TCEA3: variants seen among roughly 807,000 people sequenced by gnomAD.
TCEA3 encodes transcription elongation factor A protein 3.
In TCEA3, 36 loss-of-function variants were observed where a neutral mutation model predicts 44.0. That is an observed-to-expected ratio of 0.82 (90% CI 0.63 to 1.08). The LOEUF (loss-of-function observed/expected upper bound fraction) is 1.08, where lower values mean the gene tolerates loss of function less well. Among genes scored for constraint, TCEA3 ranks in the 50% least tolerant of loss-of-function variants. The pLI, the probability that TCEA3 is intolerant of heterozygous loss-of-function variation, is 0.00. For missense variants in TCEA3, 392 were observed against 441.2 expected (o/e 0.89, Z 1.00); for synonymous variants, 162 against 159.7 (o/e 1.01, Z -0.11).
At chr1:23,413,201 A>G (rs1273739924) in intron 4 of TCEA3, among the ~76,000 whole-genome samples, 1 of 151,872 alleles carries the variant, frequency 6.6e-6, no homozygotes, top group East Asian at 1.9e-4. Flanking sequence ...CAGTAGTGCG[A>G]TCTCGGCTCA....
At chr1:23,403,006 C>T (rs989396415) in intron 5 of TCEA3, among the ~76,000 whole-genome samples, 2 of 152,218 alleles carry the variant, frequency 1.3e-5, no homozygotes, top group Non-Finnish European at 2.9e-5. Context: ...GGATCTCTCT[C>T]TCTGGGAGTA....
At chr1:23,403,945 T>G (rs1318516924) in intron 5 of TCEA3, 9 of 591,016 alleles carry the variant, frequency 1.5e-5, no homozygotes, top group African/African-American at 3.7e-5. Flanking sequence ...TGCACACGCC[T>G]GGGAACTGAG....
Position 23,420,940 on chromosome 1 carries a change from T to A in TCEA3, c.70-1801A>T, listed in dbSNP as rs563595646. ...CCCTGGGGAGCACCAGGGGACGGTG[T>A]CCTGTATGTTCCTATCCTTGGCCCA... On this transcript the variant is annotated intron_variant, in intron 1 of 10. Coordinates refer to ENST00000450454, the MANE Select transcript of TCEA3 (RefSeq NM_003196.3). Among the ~76,000 whole-genome samples, 14 of 152,222 alleles carry A rather than the reference T, an allele frequency of 9.2e-5. No individual in the cohort carries two copies. The East Asian group carries it at 2.7e-3, about 29-fold the overall frequency.
chr1:23,416,249 G>A (rs1024743516), intron 4 of TCEA3, among the ~76,000 whole-genome samples: 1 of 151,726 alleles, frequency 6.6e-6, no homozygotes, highest in Non-Finnish European at 1.5e-5. Context: ...CAAGTGATCC[G>A]CCCACCTCGG....
At chr1:23,394,119 C>G in intron 7 of TCEA3, 86 bp from the exon 8 acceptor site, 2 of 1,493,984 alleles carry the variant, frequency 1.3e-6, no homozygotes, top group Non-Finnish European at 1.8e-6. Context: ...GCTCCAGAAC[C>G]CTTTCTTCCT....
intron 1 of TCEA3, chr1:23,423,825 A>G: frequency 2.2e-6 from 1 of 455,690 alleles, no homozygotes; most frequent in Non-Finnish European, 4.4e-6. Context: ...TCTGGCCAGG[A>G]CCCTCCGGTA....
intron 4 of TCEA3, among the ~76,000 whole-genome samples, chr1:23,416,952 C>G (rs994895312): frequency 3.9e-5 from 6 of 152,202 alleles, no homozygotes; most frequent in Admixed American, 2.6e-4. Flanking sequence ...TCTAGACTGC[C>G]GTGCGGTCTC....
chr1:23,381,610 G>C, intron 10 of TCEA3, 136 bp from the exon 11 acceptor site: 1 of 704,378 alleles, frequency 1.4e-6, no homozygotes, highest in Non-Finnish European at 2.6e-6. Context: ...GCCATTATTA[G>C]CTGTGTGATC....
At chr1:23,393,288 G>A (rs908339462) in intron 8 of TCEA3, among the ~76,000 whole-genome samples, 1 of 152,040 alleles carries the variant, frequency 6.6e-6, no homozygotes, top group African/African-American at 2.4e-5. Context: ...CTGTTGTGTG[G>A]CCTGGTTCCC....
intron 7 of TCEA3, among the ~76,000 whole-genome samples, 154 bp from the exon 8 acceptor site, chr1:23,394,187 G>C (rs1639149511): frequency 6.6e-6 from 1 of 152,302 alleles, no homozygotes; most frequent in Admixed American, 6.5e-5. Flanking sequence ...CTCTCCAAGT[G>C]GTGATGTCTC....
At chr1:23,416,911 A>C (rs999703526) in intron 4 of TCEA3, among the ~76,000 whole-genome samples, 2 of 152,176 alleles carry the variant, frequency 1.3e-5, no homozygotes, top group Non-Finnish European at 2.9e-5. Flanking sequence ...CCCCGCACCT[A>C]GGCTGTTGCC....
chr1:23,385,803 A>G (rs991447936), intron 9 of TCEA3, among the ~76,000 whole-genome samples: 2 of 152,188 alleles, frequency 1.3e-5, no homozygotes, highest in South Asian at 4.1e-4. Context: ...CAACTTTAGG[A>G]CTCAGAGCTA....
At chr1:23,392,415 CAAT>C in intron 8 of TCEA3, among the ~76,000 whole-genome samples, 2 of 774 alleles carry the variant, frequency 2.6e-3, no homozygotes, top group Admixed American at 0.025. Context: ...TCATCATGCA[CAAT>C]ACACACACAC....
intron 5 of TCEA3, among the ~76,000 whole-genome samples, chr1:23,405,048 T>G (rs1639503822): frequency 6.6e-6 from 1 of 152,140 alleles, no homozygotes; most frequent in African/African-American, 2.4e-5. Context: ...TGGACCTGCA[T>G]TTCCCCAAAG....
At chr1:23,418,644 GAGACAGC>G (rs1178340211) in intron 2 of TCEA3, among the ~76,000 whole-genome samples, 2 of 152,160 alleles carry the variant, frequency 1.3e-5, no homozygotes, top group Non-Finnish European at 1.5e-5. Context: ...AGTTTCAACT[GAGACAGC>G]AGCTCCGGCT....
intron 1 of TCEA3, 65 bp downstream of exon 1, chr1:23,424,500 C>T (rs374534473): frequency 6.7e-7 from 1 of 1,487,900 alleles, no homozygotes. Context: ...GTCCCCACCC[C>T]GGAATCCGGG....
intron 9 of TCEA3, 114 bp downstream of exon 9, chr1:23,387,159 A>C: frequency 6.6e-6 from 9 of 1,362,808 alleles, no homozygotes; most frequent in Non-Finnish European, 7.9e-6. Flanking sequence ...GGCAAAGCCT[A>C]GAGAGTTTTA....
intron 5 of TCEA3, among the ~76,000 whole-genome samples, chr1:23,401,421 C>T (rs148351935): frequency 1.1e-4 from 16 of 152,226 alleles, no homozygotes; most frequent in Non-Finnish European, 2.4e-4. Flanking sequence ...CCCGACCCTG[C>T]CTGACAACTG....
At chr1:23,419,499 T>A (rs1357846978) in intron 1 of TCEA3, 3 of 188,572 alleles carry the variant, frequency 1.6e-5, no homozygotes, top group African/African-American at 2.3e-5. Flanking sequence ...ACCTCCCCAC[T>A]GTGAACTTCG....
Sources: allele counts gnomAD v4.1 joint callset (sites outside exome capture counted in the v4.1 genomes callset), GRCh38; gene constraint gnomAD v4.1.1; transcripts MANE v1.5; gene names NCBI Gene and HGNC (gene_info 2026-07-23, HGNC 2026-07-21).